Variants in FAM135B observed in about 807,000 individuals in gnomAD.
FAM135B encodes family with sequence similarity 135 member B.
In FAM135B, 43 loss-of-function variants were observed where a neutral mutation model predicts 127.7. The ratio of observed to expected loss-of-function variants is 0.34; its 90% CI spans 0.26 to 0.43. FAM135B has a LOEUF of 0.43. Ranked by LOEUF, FAM135B falls within the 20% of genes least tolerant of loss-of-function variation. The probability of loss-of-function intolerance (pLI) is 1.00; values close to 1 mark genes in which losing one functional copy is unlikely to be tolerated. For missense variants in FAM135B, 1,558 were observed against 1,725.6 expected (o/e 0.90, Z 1.72); for synonymous variants, 670 against 665.1 (o/e 1.01, Z -0.11).
intron 11 of FAM135B, among the ~76,000 whole-genome samples, chr8:138,170,938 G>A (rs764254984): frequency 6.6e-6 from 1 of 152,146 alleles, no homozygotes; most frequent in African/African-American, 2.4e-5. Flanking sequence ...CTCTTCCCCT[G>A]CCCTTAGATG....
chr8:138,342,963 G>A (rs1017765889), intron 2 of FAM135B, among the ~76,000 whole-genome samples: 5 of 152,218 alleles, frequency 3.3e-5, no homozygotes, highest in African/African-American at 4.8e-5. Flanking sequence ...TCAGAACTGA[G>A]TATAATGAGG....
At chr8:138,257,885 TAA>T (rs201675673) in intron 4 of FAM135B, among the ~76,000 whole-genome samples, 2 of 85,782 alleles carry the variant, frequency 2.3e-5, no homozygotes, top group African/African-American at 9.6e-5. Flanking sequence ...AAATAAAAAA[TAA>T]AAAAAAAAAT....
At chr8:138,343,077 A>G (rs774658322) in intron 2 of FAM135B, among the ~76,000 whole-genome samples, 2 of 152,238 alleles carry the variant, frequency 1.3e-5, no homozygotes, top group Non-Finnish European at 2.9e-5. Context: ...TTTATTCTTT[A>G]AAAGCTTGTC....
chr8:138,234,464 T>C (rs7840261), intron 7 of FAM135B, among the ~76,000 whole-genome samples: 45,854 of 152,046 alleles, frequency 0.3, 7,725 homozygotes, highest in Non-Finnish European at 0.38. Flanking sequence ...TGGAAACAAG[T>C]TACATGTCTA....
intron 1 of FAM135B, among the ~76,000 whole-genome samples, chr8:138,443,591 A>G (rs1347678060): frequency 1.3e-5 from 2 of 152,212 alleles, no homozygotes; most frequent in African/African-American, 4.8e-5. Flanking sequence ...CATCAAATTA[A>G]TTCACTCAGC....
At chr8:138,354,118 C>T (rs1337091148) in intron 2 of FAM135B, among the ~76,000 whole-genome samples, 3 of 151,996 alleles carry the variant, frequency 2.0e-5, no homozygotes, top group African/African-American at 7.2e-5. Context: ...AATTTCTCCC[C>T]ACGCCAGCTG....
intron 6 of FAM135B, among the ~76,000 whole-genome samples, chr8:138,248,691 CT>C (rs1417235532): frequency 2.0e-5 from 3 of 151,816 alleles, no homozygotes; most frequent in Non-Finnish European, 4.4e-5. Context: ...ATGACGGCTC[CT>C]GCCTGTAGTC....
At chr8:138,384,608 C>CAGAG (rs1232097428) in intron 1 of FAM135B, among the ~76,000 whole-genome samples, 1 of 151,636 alleles carries the variant, frequency 6.6e-6, no homozygotes. Flanking sequence ...CAAGTAACTA[C>CAGAG]AGAGAGAGAG....
In FAM135B at chr8:138,137,224, G is replaced by A. The variant is rs2130540945; in HGVS notation, c.3938C>T (p.Ser1313Phe). Residue 1313 changes from serine (S) to phenylalanine (F), a missense_variant, in exon 19 of 20, where the codon TCT becomes TTT. By Grantham distance (155) the Ser-to-Phe change is radical. This residue lies in a region of FAM135B where 194 missense variants were observed against 333.8 expected (regional missense o/e 0.58). Transcript: ENST00000395297. ...QYFKNVVLVA[S>F]PQDRYVPFHS... The stretch of plus-strand genomic sequence containing the variant: ...AAATGGCACATAACGGTCTTGGGGA[G>A]AAGCAACCAGCACGACGTTTTTAAA... 6.2e-7 allele frequency: 1 copy of A among 1,611,796 alleles called. No individual in the cohort carries two copies. Among genetic ancestry groups the A allele is most frequent in the Non-Finnish European group, 8.5e-7 (1 of 1,177,870 alleles).
intron 1 of FAM135B, among the ~76,000 whole-genome samples, chr8:138,486,364 T>G (rs1814985933): frequency 6.6e-6 from 1 of 152,136 alleles, no homozygotes; most frequent in Non-Finnish European, 1.5e-5. Context: ...GGAATGTGTG[T>G]GTCTTAAAGG....
At chr8:138,320,214 T>C (rs1049681553) in intron 2 of FAM135B, among the ~76,000 whole-genome samples, 3 of 152,242 alleles carry the variant, frequency 2.0e-5, no homozygotes, top group Non-Finnish European at 4.4e-5. Context: ...TGTAAACTAA[T>C]GAATACAGGC....
chr8:138,265,958 T>C (rs1273490818), intron 3 of FAM135B, 116 bp from the exon 4 acceptor site: 1 of 1,092,730 alleles, frequency 9.2e-7, no homozygotes, highest in Non-Finnish European at 1.3e-6. Context: ...CCTTCCAATT[T>C]CCAAAGCTTA....
intron 12 of FAM135B, among the ~76,000 whole-genome samples, chr8:138,161,865 C>CT (rs1819435983): frequency 6.6e-6 from 1 of 152,172 alleles, no homozygotes; most frequent in Non-Finnish European, 1.5e-5. Context: ...ATACTATGAT[C>CT]TGTTTGTGCA....
intron 7 of FAM135B, among the ~76,000 whole-genome samples, chr8:138,207,536 G>T (rs193170529): frequency 5.3e-4 from 81 of 152,204 alleles, no homozygotes; most frequent in Non-Finnish European, 7.8e-4. Context: ...GAAGATGAGG[G>T]TCTCTGTGAA....
intron 9 of FAM135B, among the ~76,000 whole-genome samples, chr8:138,182,855 G>A (rs1201636701): frequency 6.6e-6 from 1 of 152,188 alleles, no homozygotes; most frequent in African/African-American, 2.4e-5. Flanking sequence ...GTCTGGGCCC[G>A]TCTCAGATTC....
At chr8:138,403,978 C>T (rs1833304714) in intron 1 of FAM135B, among the ~76,000 whole-genome samples, 1 of 152,030 alleles carries the variant, frequency 6.6e-6, no homozygotes, top group African/African-American at 2.4e-5. Flanking sequence ...ACTTGCACAA[C>T]AATAGTATTA....
chr8:138,309,702 A>G (rs994055841), intron 3 of FAM135B, among the ~76,000 whole-genome samples: 1 of 152,174 alleles, frequency 6.6e-6, no homozygotes, highest in African/African-American at 2.4e-5. Context: ...AGTGAATTAT[A>G]TGAAGTGTAG....
intron 1 of FAM135B, among the ~76,000 whole-genome samples, chr8:138,449,791 A>G (rs1462707342): frequency 1.3e-5 from 2 of 152,174 alleles, no homozygotes; most frequent in African/African-American, 4.8e-5. Flanking sequence ...TGCATGTGTT[A>G]CAACTGATGA....
At chr8:138,299,165 C>T (rs1358191194) in intron 3 of FAM135B, among the ~76,000 whole-genome samples, 3 of 151,478 alleles carry the variant, frequency 2.0e-5, no homozygotes, top group African/African-American at 7.3e-5. Flanking sequence ...CGCTTCCTAG[C>T]AATTATATTA....
Sources: gnomAD v4.1 joint callset for allele counts (sites outside exome capture counted in the v4.1 genomes callset) on GRCh38, gnomAD v4.1.1 for gene constraint, gnomAD v4.1.1 regional missense constraint, MANE v1.5 for transcripts, NCBI Gene and HGNC (gene_info 2026-07-23, HGNC 2026-07-21) for gene names.